Variants in NTF3 observed in about 807,000 individuals in gnomAD.
NTF3 encodes neurotrophin 3.
A neutral mutation model predicts 26.3 loss-of-function variants in NTF3; 8 were observed. The ratio of observed to expected loss-of-function variants is 0.30; its 90% confidence interval spans 0.18 to 0.55. The LOEUF is 0.55. Among genes scored for constraint, NTF3 ranks in the 20% least tolerant of loss-of-function variants. The pLI, the probability that NTF3 is intolerant of heterozygous loss-of-function variation, is 0.93. For synonymous variants in NTF3, 154 were observed against 145.5 expected (o/e 1.06, Z -0.42); for missense variants, 276 against 352.9 (o/e 0.78, Z 1.75).
At chr12:5,447,478 T>C (rs1165762382) in intron 1 of NTF3, among the ~76,000 whole-genome samples, 1 of 152,176 alleles carries the variant, frequency 6.6e-6, no homozygotes, top group African/African-American at 2.4e-5. Flanking sequence ...TACAGCGAAA[T>C]AGAGAACTAA....
rs534012969 is a variant in NTF3, at chr12:5,458,891, G to A, written c.18+26549G>A. ...CACACACACACACACACGTGCACAC[G>A]CACACTGACAGACAACCTTGCTCAC... On this transcript the variant is annotated intron_variant, in intron 1 of 1. Transcript: ENST00000423158. Among the ~76,000 whole-genome samples, 181 of 152,118 alleles carry A rather than the reference G, an allele frequency of 1.2e-3. 1 individual carries two copies. The highest frequency in any genetic ancestry group is 4.1e-3 in the African/African-American group (169 of 41,478).
intron 1 of NTF3, among the ~76,000 whole-genome samples, chr12:5,458,761 CCTT>C (rs1940486254): frequency 6.6e-6 from 1 of 152,306 alleles, no homozygotes; most frequent in South Asian, 2.1e-4. Context: ...GGAGCTTATT[CCTT>C]CTTTGGAAGT....
intron 1 of NTF3, among the ~76,000 whole-genome samples, chr12:5,482,804 G>A (rs984898146): frequency 7.5e-5 from 11 of 146,518 alleles, no homozygotes; most frequent in Admixed American, 2.7e-4. Flanking sequence ...TCTCTGTATC[G>A]CTCTTTTTTT....
At chr12:5,486,076 C>T (rs186622850) in intron 1 of NTF3, among the ~76,000 whole-genome samples, 16 of 152,318 alleles carry the variant, frequency 1.1e-4, no homozygotes, top group Non-Finnish European at 1.9e-4. Context: ...CAATATACCT[C>T]ATCCTTGTGA....
In NTF3 at chr12:5,433,593, G is replaced by C. The variant is rs1429598160; in HGVS notation, c.18+1251G>C. Among the ~76,000 whole-genome samples the C allele has an allele frequency of 2.0e-5, 3 of 151,124 alleles. No homozygotes were observed. Among genetic ancestry groups the C allele is most frequent in the Admixed American group, 6.6e-5 (1 of 15,202 alleles). On this transcript the variant is annotated intron_variant, in intron 1 of 1. Coordinates refer to ENST00000423158, the MANE Select transcript of NTF3 (RefSeq NM_001102654.2). This position sits in a 1 kb window ranked among gnomAD's most constrained non-coding sequence, Gnocchi z 4.6. ...TTCGTCGTCTGCGCTTCAGATGCAC[G>C]GCACTGAGACCCTTGCGTCCGACGG...
intron 1 of NTF3, among the ~76,000 whole-genome samples, chr12:5,443,265 C>G (rs118078566): frequency 6.6e-6 from 1 of 152,032 alleles, no homozygotes; most frequent in African/African-American, 2.4e-5. Context: ...ATGTAAGGGC[C>G]CCCCCATCCC....
chr12:5,474,411 T>A (rs1026073114), intron 1 of NTF3, among the ~76,000 whole-genome samples: 3 of 152,212 alleles, frequency 2.0e-5, no homozygotes, highest in Admixed American at 1.3e-4. Context: ...AGAAATTGCC[T>A]TCCTGGCACA....
intron 1 of NTF3, among the ~76,000 whole-genome samples, chr12:5,453,737 A>G (rs1178540557): frequency 1.3e-5 from 2 of 152,210 alleles, no homozygotes; most frequent in Admixed American, 6.5e-5. Context: ...GACAGGGGCC[A>G]TCTGTCGTGA....
chr12:5,443,256 T>A (rs977768183), intron 1 of NTF3, among the ~76,000 whole-genome samples: 2 of 152,158 alleles, frequency 1.3e-5, no homozygotes, highest in Non-Finnish European at 2.9e-5. Context: ...CTTCTTGTCA[T>A]GTAAGGGCCC....
At chr12:5,445,336 G>T (rs959507713) in intron 1 of NTF3, among the ~76,000 whole-genome samples, 1 of 149,180 alleles carries the variant, frequency 6.7e-6, no homozygotes, top group Non-Finnish European at 1.5e-5. Flanking sequence ...GTGTGTGTGT[G>T]TTTAAAGTTT....
chr12:5,463,646 G>C (rs191650126), intron 1 of NTF3, among the ~76,000 whole-genome samples: 1 of 152,280 alleles, frequency 6.6e-6, no homozygotes, highest in East Asian at 1.9e-4. Flanking sequence ...TAAAGGATGT[G>C]GCCTAAGAAG....
intron 1 of NTF3, among the ~76,000 whole-genome samples, chr12:5,472,549 T>TA (rs1940678291): frequency 1.3e-5 from 2 of 152,188 alleles, no homozygotes. Flanking sequence ...AGTGGTCACT[T>TA]ACTCTCTGTC....
At chr12:5,435,657 T>C (rs1940158253) in intron 1 of NTF3, among the ~76,000 whole-genome samples, 1 of 152,146 alleles carries the variant, frequency 6.6e-6, no homozygotes, top group Non-Finnish European at 1.5e-5. Flanking sequence ...GGATTGAGTT[T>C]CTAAGAGTAC....
Position 5,456,309 on chromosome 12 carries a change from C to T in NTF3, c.18+23967C>T, listed in dbSNP as rs996347325. Among the ~76,000 whole-genome samples the T allele has an allele frequency of 2.6e-5, 4 of 152,134 alleles. No individual in the cohort carries two copies. Among genetic ancestry groups the T allele is most frequent in the African/African-American group, 9.7e-5 (4 of 41,418 alleles). On this transcript the variant is annotated intron_variant, in intron 1 of 1. Coordinates refer to ENST00000423158, the MANE Select transcript of NTF3 (RefSeq NM_001102654.2). The surrounding 1 kb of genome is among the most constrained non-coding windows in gnomAD (Gnocchi z 4.4). ...AGCCCTTTTGAGAATCACATAGAAT[C>T]GCATTGATTGATGAGTGAAAAATAA... is the stretch of plus-strand genomic sequence containing the variant.
In NTF3 at chr12:5,494,706, G is replaced by T; in HGVS notation, c.531G>T (p.Ser177=). The T allele has an allele frequency of 6.2e-7, 1 of 1,614,138 alleles. No individual in the cohort carries two copies. Among genetic ancestry groups the T allele is most frequent in the Non-Finnish European group, 8.5e-7 (1 of 1,180,026 alleles). ...SESLWVTDKS[S]AIDIRGHQVT... is the part of the protein sequence containing the mutation. ...GTCTGTGGGTGACCGACAAGTCATC[G>T]GCCATCGACATTCGGGGACACCAGG... The change falls in exon 2 of 2, where the codon TCG becomes TCT. Residue 177 remains serine, a synonymous_variant. Transcript: ENST00000423158. This position sits in a 1 kb window ranked among gnomAD's most constrained non-coding sequence, Gnocchi z 8.3.
upstream of NTF3, among the ~76,000 whole-genome samples, chr12:5,431,944 G>T (rs562272347): frequency 6.8e-6 from 1 of 147,968 alleles, no homozygotes; most frequent in South Asian, 2.1e-4. Flanking sequence ...TCCCCGCCAC[G>T]GGTCCCGAAG....
intron 1 of NTF3, 139 bp downstream of exon 1, chr12:5,432,481 T>A: frequency 2.0e-6 from 2 of 1,003,776 alleles, no homozygotes; most frequent in Non-Finnish European, 2.9e-6. Context: ...GCTCACTCAC[T>A]TTCCCGGGCT....
At chr12:5,451,739 C>T (rs1940375543) in intron 1 of NTF3, among the ~76,000 whole-genome samples, 1 of 152,152 alleles carries the variant, frequency 6.6e-6, no homozygotes, top group South Asian at 2.1e-4. Flanking sequence ...CTTGTAGACT[C>T]GCGTGTGGTG....
At position 5,433,818 on chromosome 12, in the gene NTF3, T is replaced by A. The variant is rs1004550020; in HGVS notation, c.18+1476T>A. ...TCGGGAGACTGTGCGCCTGTGGACT[T>A]GTTTATGTGTGTGAAGAGGCGGGGG... is the stretch of plus-strand genomic sequence containing the variant. On this transcript the variant is annotated intron_variant, in intron 1 of 1. Transcript: ENST00000423158. The surrounding 1 kb of genome is among the most constrained non-coding windows in gnomAD (Gnocchi z 4.6). 6.7e-6 allele frequency among the ~76,000 whole-genome samples: 1 copy of A among 149,532 alleles called. No homozygotes were observed. Among genetic ancestry groups the A allele is most frequent in the African/African-American group, 2.5e-5 (1 of 40,434 alleles).
Sources: allele counts gnomAD v4.1 joint callset (sites outside exome capture counted in the v4.1 genomes callset), GRCh38; gene constraint gnomAD v4.1.1; non-coding constraint Gnocchi (gnomAD v3.1); transcripts MANE v1.5; gene names NCBI Gene and HGNC (gene_info 2026-07-23, HGNC 2026-07-21).